Variants in ZMIZ1 observed in about 807,000 individuals in gnomAD.
The protein encoded by ZMIZ1 is zinc finger MIZ-type containing 1.
ZMIZ1 carries 17 observed loss-of-function variants against 113.9 expected under a neutral mutation model. The ratio of observed to expected loss-of-function variants is 0.15; its 90% CI spans 0.10 to 0.22. ZMIZ1 has a LOEUF of 0.22. Ranked by LOEUF, ZMIZ1 falls within the 10% of genes least tolerant of loss-of-function variation. The pLI, the probability that ZMIZ1 is intolerant of heterozygous loss-of-function variation, is 1.00. For synonymous variants in ZMIZ1, 607 were observed against 603.1 expected, an observed-to-expected ratio of 1.01 and a Z score of -0.09; for missense variants, 1,059 against 1,477.8, an observed-to-expected ratio of 0.72 and a Z score of 4.65.
chr10:79,212,423 A>G (rs1405204626), intron 6 of ZMIZ1, among the ~76,000 whole-genome samples: 1 of 151,998 alleles, frequency 6.6e-6, no homozygotes, highest in Non-Finnish European at 1.5e-5. Context: ...CTCCCACCTC[A>G]GCCTCCTAAG....
intron 4 of ZMIZ1, among the ~76,000 whole-genome samples, chr10:79,201,062 C>T (rs1171087644): frequency 6.6e-6 from 1 of 152,180 alleles, no homozygotes; most frequent in African/African-American, 2.4e-5. Context: ...AATCCCAGCA[C>T]TTTGGGAGCC....
chr10:79,256,949 A>G (rs913439989), intron 7 of ZMIZ1, among the ~76,000 whole-genome samples: 3 of 152,232 alleles, frequency 2.0e-5, no homozygotes, highest in Admixed American at 6.5e-5. Flanking sequence ...CAGGTGACAC[A>G]GCCCATCAGT....
At chr10:79,129,019 A>G (rs1337174259) in intron 2 of ZMIZ1, among the ~76,000 whole-genome samples, 1 of 152,208 alleles carries the variant, frequency 6.6e-6, no homozygotes, top group Non-Finnish European at 1.5e-5. Context: ...AACACTTGGT[A>G]TGTGTTAGCT....
At chr10:79,090,408 A>G (rs1238710118) in intron 1 of ZMIZ1, among the ~76,000 whole-genome samples, 4 of 152,094 alleles carry the variant, frequency 2.6e-5, no homozygotes, top group African/African-American at 9.7e-5. Context: ...GGAAGAGGAG[A>G]CATACTTGGA....
At chr10:79,103,786 G>A (rs951750878) in intron 1 of ZMIZ1, among the ~76,000 whole-genome samples, 1 of 152,156 alleles carries the variant, frequency 6.6e-6, no homozygotes, top group Non-Finnish European at 1.5e-5. Flanking sequence ...CCTGGCCTGG[G>A]GTTTTGTCCC....
At chr10:79,269,861 C>T (rs1310149124) in intron 7 of ZMIZ1, among the ~76,000 whole-genome samples, 1 of 152,214 alleles carries the variant, frequency 6.6e-6, no homozygotes, top group Admixed American at 6.5e-5. Flanking sequence ...GGAAGCCTTT[C>T]CCAGGTGCCC....
chr10:79,294,002 G>A (rs1853700117), intron 12 of ZMIZ1: 2 of 388,046 alleles, frequency 5.2e-6, no homozygotes, highest in South Asian at 5.7e-5. Context: ...GGTGACCTGG[G>A]TTTAGTTCCT....
chr10:79,177,052 G>A (rs7910559), intron 4 of ZMIZ1, among the ~76,000 whole-genome samples: 10,297 of 152,292 alleles, frequency 0.068, 1,194 homozygotes, highest in African/African-American at 0.24. Flanking sequence ...GGCCTGTCTC[G>A]GTTCCCAGCT....
chr10:79,200,579 C>T (rs776002220), intron 4 of ZMIZ1, among the ~76,000 whole-genome samples: 6 of 152,230 alleles, frequency 3.9e-5, no homozygotes, highest in Non-Finnish European at 4.4e-5. Flanking sequence ...GTGGAAACCG[C>T]GGGCTGGCAG....
At chr10:79,139,661 A>T (rs867453415) in intron 2 of ZMIZ1, 21 bp from the exon 3 acceptor site, 12 of 398,510 alleles carry the variant, frequency 3.0e-5, no homozygotes, top group Middle Eastern at 1.2e-3. Flanking sequence ...CACACGTCTC[A>T]TCTCTCCCCT....
intron 4 of ZMIZ1, among the ~76,000 whole-genome samples, chr10:79,172,751 C>T (rs1051188274): frequency 1.3e-5 from 2 of 152,218 alleles, no homozygotes; most frequent in Non-Finnish European, 2.9e-5. Context: ...GAGGAGGACA[C>T]GAACTCTCCA....
rs1854074260 is a variant in ZMIZ1, at chr10:79,298,586, G to GGCCCTC, written c.1666+7_1666+12dup. ...CGCTCTGCCACCACCCCCAGGTGAG[G>GGCCCTC]GCCCTCCCTCCCTCTCTTGGCAGCT... On this transcript the variant is annotated splice_region_variant and intron_variant, in intron 15 of 24. Transcript: ENST00000334512. 4.4e-6 allele frequency: 7 copies of GGCCCTC among 1,592,428 alleles called. No individual in the cohort carries two copies. In the East Asian group the frequency reaches 1.4e-4, roughly 32 times the overall value.
chr10:79,103,341 G>A (rs558035026), intron 1 of ZMIZ1, among the ~76,000 whole-genome samples: 1 of 152,304 alleles, frequency 6.6e-6, no homozygotes, highest in Admixed American at 6.5e-5. Context: ...CTGTAAGGAA[G>A]AGCAGGAAGG....
chr10:79,201,718 G>C lies in ZMIZ1; in HGVS notation c.60+26G>C, dbSNP rs199925404. On this transcript the variant is annotated intron_variant, in intron 5 of 24. Transcript: ENST00000334512. ...GTGGGTGTGGGGCAAGGCACACTCC[G>C]AGGGCGGGGCAGATGGGGCGGGCTG... is the stretch of plus-strand genomic sequence containing the variant. The C allele has an allele frequency of 3.0e-5, 48 of 1,610,314 alleles. No homozygotes were observed. The East Asian group carries it at 9.6e-4, about 32-fold the overall frequency.
At chr10:79,109,664 T>C (rs904045380) in intron 1 of ZMIZ1, among the ~76,000 whole-genome samples, 4 of 152,188 alleles carry the variant, frequency 2.6e-5, no homozygotes, top group African/African-American at 4.8e-5. Context: ...TGCCAGACCT[T>C]GAGGACAGCC....
intron 1 of ZMIZ1, among the ~76,000 whole-genome samples, chr10:79,108,772 G>T (rs1052847102): frequency 9.9e-5 from 15 of 152,118 alleles, no homozygotes; most frequent in Admixed American, 3.9e-4. Context: ...CTGATTTATG[G>T]GGCTGTTTTG....
intron 5 of ZMIZ1, among the ~76,000 whole-genome samples, chr10:79,204,200 T>C (rs925468739): frequency 1.3e-5 from 2 of 152,118 alleles, no homozygotes; most frequent in African/African-American, 4.8e-5. Flanking sequence ...GGGGCTCACC[T>C]CTCCACACAG....
At chr10:79,113,106 GC>G (rs1372919438) in intron 1 of ZMIZ1, among the ~76,000 whole-genome samples, 7 of 152,212 alleles carry the variant, frequency 4.6e-5, no homozygotes, top group Non-Finnish European at 1.0e-4. Context: ...TTTGTTCCCC[GC>G]AGCAGCCTGG....
chr10:79,117,153 G>T (rs546296068), intron 1 of ZMIZ1, among the ~76,000 whole-genome samples: 1 of 152,256 alleles, frequency 6.6e-6, no homozygotes, highest in Non-Finnish European at 1.5e-5. Flanking sequence ...GAGAGGCAAG[G>T]CCAGAAATGG....
Sources: gnomAD v4.1 joint callset for allele counts (sites outside exome capture counted in the v4.1 genomes callset) on GRCh38, gnomAD v4.1.1 for gene constraint, MANE v1.5 for transcripts, NCBI Gene and HGNC (gene_info 2026-07-23, HGNC 2026-07-21) for gene names.